The following ZC3H4 variants were observed in gnomAD, a reference collection of about 807,000 sequenced individuals.
The protein encoded by ZC3H4 is zinc finger CCCH-type containing 4.
ZC3H4 carries 13 observed loss-of-function variants against 108.3 expected under a neutral mutation model. The observed-to-expected ratio is 0.12, with a 90% CI of 0.08 to 0.19. The LOEUF is 0.19. Among genes scored for constraint, ZC3H4 ranks in the 10% least tolerant of loss-of-function variants. The pLI, the probability that ZC3H4 is intolerant of heterozygous loss-of-function variation, is 1.00. For missense variants in ZC3H4, 1,734 were observed against 1,838.8 expected (o/e 0.94, Z 1.04); for synonymous variants, 917 against 749.6 (o/e 1.22, Z -3.65).
rs1278323073 is a variant in ZC3H4 at position 47,064,739 on chromosome 19, A to G, written c.*1617T>C. The G allele has an allele frequency of 6.6e-6, 1 of 151,450 alleles. No individual in the cohort carries two copies. The highest frequency in any genetic ancestry group is 1.9e-4 in the East Asian group (1 of 5,184). The allele number at this position is 151,450 out of a possible 1,614,324, so 9.4% of individuals were successfully genotyped here. On this transcript the variant is annotated 3_prime_UTR_variant, in exon 15 of 15. Transcript: ENST00000253048. ...GATTGTGTAAAAAAAAAAAAAAAAA[A>G]AAAGACAAAAAGACAAACCAACCAA...
intron 2 of ZC3H4, among the ~76,000 whole-genome samples, chr19:47,105,385 G>A (rs935287698): frequency 1.3e-5 from 2 of 152,178 alleles, no homozygotes; most frequent in Non-Finnish European, 2.9e-5. Flanking sequence ...TGGATCACTC[G>A]AGGTCACGAG....
In ZC3H4 at chr19:47,070,355, C is replaced by T. The variant is rs1015395753; in HGVS notation, c.2147-1012G>A. On this transcript the variant is annotated intron_variant, in intron 13 of 14. Transcript: ENST00000253048. ...GCCTGCTCTATGACACATCCCAGCG[C>T]AGAGCTGGGACCCACTCCATGAACC... Among the ~76,000 whole-genome samples, 6 of 152,286 alleles carry T rather than the reference C, an allele frequency of 3.9e-5. No homozygotes were observed. In the East Asian group the frequency reaches 7.7e-4, roughly 20 times the overall value.
rs778208288 is a variant in ZC3H4 at position 47,090,098 on chromosome 19, T to A, written c.584A>T (p.Asp195Val). 6.2e-7 allele frequency: 1 copy of A among 1,614,212 alleles called. No individual in the cohort carries two copies. The highest frequency in any genetic ancestry group is 1.7e-5 in the Admixed American group (1 of 60,020). Residue 195 changes from aspartate (D) to valine (V), a missense_variant, in exon 5 of 15, where the codon GAC becomes GTC. Around this residue, in one of 9 missense-constraint regions of ZC3H4, gnomAD observed 403 missense variants for 457.0 expected, o/e 0.88. Coordinates refer to ENST00000253048, the MANE Select transcript of ZC3H4 (RefSeq NM_015168.2). ...TTCCCCATACTGCTCATTCTCGTAG[T>A]CCTCGTACATGCCATAACTCTTGCT... The part of the protein sequence containing the change: ...MDSKSYGMYE[D>V]YENEQYGEYE...
intron 5 of ZC3H4, among the ~76,000 whole-genome samples, chr19:47,087,851 G>A (rs887126260): frequency 2.6e-5 from 4 of 152,020 alleles, no homozygotes; most frequent in African/African-American, 9.7e-5. Context: ...TCCAGCCTGA[G>A]CGACAGAGTG....
At chr19:47,093,444 G>A (rs1330338569) in intron 4 of ZC3H4, among the ~76,000 whole-genome samples, 1 of 152,126 alleles carries the variant, frequency 6.6e-6, no homozygotes, top group Non-Finnish European at 1.5e-5. Context: ...GCCGTGACGT[G>A]GACCAGTCAG....
intron 13 of ZC3H4, 83 bp downstream of exon 13, chr19:47,071,695 G>A (rs2057328074): frequency 2.1e-6 from 3 of 1,433,914 alleles, no homozygotes; most frequent in South Asian, 2.8e-5. Flanking sequence ...CTTGGACGAA[G>A]GAAGAAAAAT....
intron 6 of ZC3H4, among the ~76,000 whole-genome samples, chr19:47,085,733 C>T (rs1274482719): frequency 6.6e-6 from 1 of 152,190 alleles, no homozygotes; most frequent in East Asian, 1.9e-4. Flanking sequence ...AAGTGCAGTG[C>T]ACCTGCCGCT....
rs767137827 is a variant in ZC3H4 at position 47,067,596 on chromosome 19, C to A, written c.2672G>T (p.Arg891Leu). 2 of 1,605,786 alleles carry A rather than the reference C, an allele frequency of 1.2e-6. No homozygotes were observed. The highest frequency in any genetic ancestry group is 1.7e-5 in the Admixed American group (1 of 59,328). ...GGAGGTGGGCAGGGCGCGAGCCAGC[C>A]GAGGATCGGAGGGTCCCGAATCACC... ...GPGDSGPSDPRLARALPTSKP... is the reference protein window; with the variant it reads ...GPGDSGPSDPLLARALPTSKP... Residue 891 changes from arginine (R) to leucine (L), a missense_variant, in exon 15 of 15, where the codon CGG (arginine) becomes CTG (leucine). Arg to Leu is a moderately radical substitution (Grantham distance 102, BLOSUM62 -2). Around this residue, in one of 9 missense-constraint regions of ZC3H4, gnomAD observed 540 missense variants for 484.1 expected, o/e 1.12. Transcript: ENST00000253048. The surrounding 1 kb of genome is among the most constrained non-coding windows in gnomAD (Gnocchi z 6.4).
chr19:47,066,172 C>T lies in ZC3H4; in HGVS notation c.*184G>A. On this transcript the variant is annotated 3_prime_UTR_variant, in exon 15 of 15. Coordinates refer to ENST00000253048, the MANE Select transcript of ZC3H4 (RefSeq NM_015168.2). ...GACCAGAACTTAAGATGGTTATATA[C>T]AATTTACAAATCTCAAAGAAAGTAC... is the stretch of plus-strand genomic sequence containing the variant. 1 of 538,624 alleles carries T rather than the reference C, an allele frequency of 1.9e-6. No individual in the cohort carries two copies. The highest frequency in any genetic ancestry group is 3.4e-5 in the South Asian group (1 of 29,536). The allele number at this position is 538,624 out of a possible 1,614,324, so 33.4% of individuals were successfully genotyped here.
chr19:47,072,310 G>A lies in ZC3H4; in HGVS notation c.1802+42C>T, dbSNP rs760833260. ...AACAAGAGGAGCCTGGCTGGGCCCA[G>A]GACAGCGCCCACTGCCTGTCACGGG... On this transcript the variant is annotated intron_variant, in intron 12 of 14. Transcript: ENST00000253048. This position sits in a 1 kb window ranked among gnomAD's most constrained non-coding sequence, Gnocchi z 5.6. 1 of 1,590,392 alleles carries A rather than the reference G, an allele frequency of 6.3e-7. No homozygotes were observed. The highest frequency in any genetic ancestry group is 1.1e-5 in the South Asian group (1 of 88,544).
chr19:47,085,757 C>G (rs748776546), intron 6 of ZC3H4, among the ~76,000 whole-genome samples: 2 of 152,162 alleles, frequency 1.3e-5, no homozygotes, highest in Non-Finnish European at 2.9e-5. Flanking sequence ...CCTCCTGGGT[C>G]GGGACAGGGA....
intron 2 of ZC3H4, among the ~76,000 whole-genome samples, chr19:47,101,210 T>C (rs902522936): frequency 2.0e-5 from 3 of 151,656 alleles, no homozygotes; most frequent in South Asian, 2.1e-4. Context: ...CAGCATGTGC[T>C]TGTAGTCCCA....
intron 10 of ZC3H4, 35 bp from the exon 11 acceptor site, chr19:47,081,657 C>A (rs181327679): frequency 1.2e-5 from 18 of 1,562,584 alleles, no homozygotes; most frequent in Middle Eastern, 3.4e-4. Context: ...CTTCATCTCA[C>A]AGAACGCCCC....
chr19:47,066,213 TAA>T lies in ZC3H4; in HGVS notation c.*141_*142del, dbSNP rs576923616. 74 of 624,646 alleles carry T rather than the reference TAA, an allele frequency of 1.2e-4. No individual in the cohort carries two copies. Among genetic ancestry groups the T allele is most frequent in the African/African-American group, 2.3e-4 (12 of 52,144 alleles). 38.7% of individuals were successfully genotyped at this position (624,646 alleles called of 1,614,324 possible). On this transcript the variant is annotated 3_prime_UTR_variant, in exon 15 of 15. Coordinates refer to ENST00000253048, the MANE Select transcript of ZC3H4 (RefSeq NM_015168.2). Reference sequence around the variant, plus strand: ...AAGAAAGTACTACTTTAAAAAAAAATAAAAGAGACGGAAAGCAAAAGAAAAAG... The same window carrying T: ...AAGAAAGTACTACTTTAAAAAAAAATAAGAGACGGAAAGCAAAAGAAAAAG...
chr19:47,084,991 T>C (rs2057590783), intron 8 of ZC3H4, 65 bp downstream of exon 8: 3 of 1,594,704 alleles, frequency 1.9e-6, no homozygotes, highest in Non-Finnish European at 2.6e-6. Flanking sequence ...AATGACTCAT[T>C]AAAGGGAAAA....
At chr19:47,110,203 CTT>C (rs1181835391) in intron 2 of ZC3H4, among the ~76,000 whole-genome samples, 4 of 151,856 alleles carry the variant, frequency 2.6e-5, no homozygotes, top group African/African-American at 9.7e-5. Flanking sequence ...TTGAACCAAT[CTT>C]TTTTGGGGAG....
chr19:47,084,053 C>T (rs548957448), intron 9 of ZC3H4, among the ~76,000 whole-genome samples: 1 of 152,274 alleles, frequency 6.6e-6, no homozygotes, highest in South Asian at 2.1e-4. Context: ...TTTGCATTCA[C>T]ATCAACCTCC....
At position 47,085,043 on chromosome 19, in the gene ZC3H4, G is replaced by A; in HGVS notation, c.1107+13C>T. 1 of 1,614,094 alleles carries A rather than the reference G, an allele frequency of 6.2e-7. No individual in the cohort carries two copies. The highest frequency in any genetic ancestry group is 8.5e-7 in the Non-Finnish European group (1 of 1,179,982). ...CTTGGCCCAAACATCAGATCAGAGT[G>A]GAGTCAACTCACGCCCATGTCCTCG... On this transcript the variant is annotated intron_variant, in intron 8 of 14. Coordinates refer to ENST00000253048, the MANE Select transcript of ZC3H4 (RefSeq NM_015168.2).
At chr19:47,070,557 C>A (rs2057308361) in intron 13 of ZC3H4, among the ~76,000 whole-genome samples, 1 of 152,194 alleles carries the variant, frequency 6.6e-6, no homozygotes, top group African/African-American at 2.4e-5. Flanking sequence ...CTTTTAGACG[C>A]ATTTGTTGAA....
Sources: gnomAD v4.1 joint callset for allele counts (sites outside exome capture counted in the v4.1 genomes callset) on GRCh38, gnomAD v4.1.1 for gene constraint, gnomAD v4.1.1 regional missense constraint, Gnocchi (gnomAD v3.1) non-coding constraint, MANE v1.5 for transcripts, NCBI Gene and HGNC (gene_info 2026-07-23, HGNC 2026-07-21) for gene names.